COMMD1: variants seen among roughly 807,000 people sequenced by gnomAD.
The protein encoded by COMMD1 is copper metabolism domain containing 1.
In COMMD1, 10 loss-of-function variants were observed where a neutral mutation model predicts 17.2. The ratio of observed to expected loss-of-function variants is 0.58; its 90% CI spans 0.36 to 0.99. COMMD1 has a LOEUF of 0.99. Ranked by LOEUF, COMMD1 falls within the 50% of genes least tolerant of loss-of-function variation. COMMD1 has a pLI of 0.01. For missense variants in COMMD1, 270 were observed against 231.8 expected (o/e 1.17, Z -1.07); for synonymous variants, 97 against 91.6 (o/e 1.06, Z -0.34).
At chr2:61,982,348 T>C (rs1671977445) in intron 1 of COMMD1, among the ~76,000 whole-genome samples, 1 of 152,206 alleles carries the variant, frequency 6.6e-6, no homozygotes, top group South Asian at 2.1e-4. Context: ...TTTTGTATCA[T>C]GCAACTTTAC....
intron 1 of COMMD1, among the ~76,000 whole-genome samples, chr2:61,949,533 A>G (rs913484701): frequency 1.9e-4 from 29 of 152,242 alleles, no homozygotes; most frequent in Non-Finnish European, 8.8e-5. Flanking sequence ...AAAAGTGTGT[A>G]GAAGATGGAG....
At chr2:61,892,694 C>CA (rs58162146) in intron 1 of COMMD1, among the ~76,000 whole-genome samples, 2,003 of 110,500 alleles carry the variant, frequency 0.018, 50 homozygotes, top group African/African-American at 0.058. Flanking sequence ...AACTCTGTCT[C>CA]AAAAAAAAAA....
chr2:61,912,924 C>T (rs913694193), intron 1 of COMMD1, among the ~76,000 whole-genome samples: 4 of 152,060 alleles, frequency 2.6e-5, no homozygotes, highest in Non-Finnish European at 5.9e-5. Context: ...CGTGGTGGCA[C>T]AGGCCTGCAG....
At chr2:62,124,669 C>G (rs926547948) in intron 2 of COMMD1, among the ~76,000 whole-genome samples, 1 of 152,126 alleles carries the variant, frequency 6.6e-6, no homozygotes, top group Non-Finnish European at 1.5e-5. Flanking sequence ...TGTGCTTCAG[C>G]CACATGAGTA....
intron 1 of COMMD1, among the ~76,000 whole-genome samples, chr2:61,996,314 A>ATGTGTGTG (rs70946774): frequency 4.7e-4 from 67 of 142,400 alleles, no homozygotes; most frequent in Non-Finnish European, 7.2e-4. Flanking sequence ...TGTTTTCTAA[A>ATGTGTGTG]TGTGTGTGTG....
chr2:62,078,520 T>G (rs998399728), intron 2 of COMMD1, among the ~76,000 whole-genome samples: 1 of 138,888 alleles, frequency 7.2e-6, no homozygotes, highest in Non-Finnish European at 1.5e-5. Flanking sequence ...GCCACTGCAC[T>G]CTAGCCTGGG....
chr2:61,895,269 A>G (rs1019707638), intron 1 of COMMD1, among the ~76,000 whole-genome samples: 1 of 152,174 alleles, frequency 6.6e-6, no homozygotes, highest in African/African-American at 2.4e-5. Flanking sequence ...AGCTGTCCAC[A>G]GATAAAAGTA....
chr2:61,974,671 C>CAA (rs1276306424), intron 1 of COMMD1, among the ~76,000 whole-genome samples: 20 of 52,172 alleles, frequency 3.8e-4, no homozygotes, highest in East Asian at 1.2e-3. Context: ...GACTCCATCT[C>CAA]AAAAAAAAAA....
chr2:62,133,857 C>T (rs1245813451), intron 2 of COMMD1, among the ~76,000 whole-genome samples: 1 of 152,118 alleles, frequency 6.6e-6, no homozygotes, highest in Non-Finnish European at 1.5e-5. Context: ...AAGGTCTCAC[C>T]AAGGTTGCTA....
intron 2 of COMMD1, among the ~76,000 whole-genome samples, chr2:62,124,923 G>C (rs1160234220): frequency 3.3e-5 from 5 of 151,966 alleles, no homozygotes; most frequent in African/African-American, 1.2e-4. Flanking sequence ...GATACCAAAT[G>C]TCTCTTTCTT....
chr2:61,999,647 T>G (rs60278279), intron 1 of COMMD1, among the ~76,000 whole-genome samples: 7,372 of 152,162 alleles, frequency 0.048, 608 homozygotes, highest in African/African-American at 0.17. Context: ...CAGGCTGGAC[T>G]CGAACTCCTG....
At chr2:61,958,251 T>C (rs1671246110) in intron 1 of COMMD1, among the ~76,000 whole-genome samples, 1 of 151,592 alleles carries the variant, frequency 6.6e-6, no homozygotes, top group Non-Finnish European at 1.5e-5. Context: ...GTTTTCTGTA[T>C]TGTGGTTTCT....
chr2:61,898,786 A>G (rs1669602679), intron 1 of COMMD1, among the ~76,000 whole-genome samples: 1 of 152,062 alleles, frequency 6.6e-6, no homozygotes, highest in Admixed American at 6.6e-5. Context: ...GGTATTTATA[A>G]TTTCCCTTTG....
At chr2:61,929,147 G>A (rs561132098) in intron 1 of COMMD1, among the ~76,000 whole-genome samples, 1 of 152,318 alleles carries the variant, frequency 6.6e-6, no homozygotes, top group Admixed American at 6.5e-5. Flanking sequence ...TGAATTACAT[G>A]TCCGAGATAA....
chr2:61,974,149 C>G (rs1385211892), intron 1 of COMMD1, among the ~76,000 whole-genome samples: 3 of 152,012 alleles, frequency 2.0e-5, no homozygotes, highest in Non-Finnish European at 4.4e-5. Flanking sequence ...CAAAAATTAA[C>G]CTGGTGTGGT....
chr2:61,926,022 G>A (rs992652653), intron 1 of COMMD1, among the ~76,000 whole-genome samples: 1 of 151,872 alleles, frequency 6.6e-6, no homozygotes, highest in African/African-American at 2.4e-5. Context: ...CCAGGCTGGA[G>A]TGCTGTGGCA....
intron 2 of COMMD1, among the ~76,000 whole-genome samples, chr2:62,005,722 T>C (rs1008591905): frequency 6.6e-6 from 1 of 151,826 alleles, no homozygotes; most frequent in African/African-American, 2.4e-5. Context: ...TGTGGAGAAA[T>C]AGGAACACTT....
intron 1 of COMMD1, among the ~76,000 whole-genome samples, chr2:61,899,660 G>A (rs1256002153): frequency 6.6e-6 from 1 of 151,924 alleles, no homozygotes; most frequent in Non-Finnish European, 1.5e-5. Flanking sequence ...AATGTTTTTG[G>A]TTGTTCTTGT....
intron 2 of COMMD1, 168 bp downstream of exon 2, chr2:62,001,150 T>A: frequency 1.4e-6 from 1 of 694,722 alleles, no homozygotes; most frequent in Non-Finnish European, 2.4e-6. Flanking sequence ...CTCTCACTTG[T>A]GGACAGAGTC....
Sources: allele counts gnomAD v4.1 joint callset (sites outside exome capture counted in the v4.1 genomes callset), GRCh38; gene constraint gnomAD v4.1.1; transcripts MANE v1.5; gene names NCBI Gene and HGNC (gene_info 2026-07-23, HGNC 2026-07-21).